The following INHA variants were observed in gnomAD, a reference collection of about 807,000 sequenced individuals.
INHA encodes the protein inhibin subunit alpha.
INHA carries 8 observed loss-of-function variants against 21.3 expected under a neutral mutation model. The ratio of observed to expected loss-of-function variants is 0.38; its 90% CI spans 0.22 to 0.68. The LOEUF is 0.68. Ranked by LOEUF, INHA falls within the 30% of genes least tolerant of loss-of-function variation. The pLI is 0.53. For missense variants in INHA, 436 were observed against 465.8 expected, an observed-to-expected ratio of 0.94 and a Z score of 0.59; for synonymous variants, 231 against 207.5, an observed-to-expected ratio of 1.11 and a Z score of -0.97.
At chr2:219,574,329 A>G (rs1198042313) in intron 1 of INHA, among the ~76,000 whole-genome samples, 1 of 151,916 alleles carries the variant, frequency 6.6e-6, no homozygotes, top group Non-Finnish European at 1.5e-5. Flanking sequence ...GACACCATTC[A>G]GGATACTGTT....
intron 1 of INHA, 93 bp from the exon 2 acceptor site, chr2:219,574,601 A>G: frequency 9.3e-7 from 1 of 1,072,318 alleles, no homozygotes; most frequent in Non-Finnish European, 1.4e-6. Context: ...TCATTGGCTC[A>G]TGACTGGTGG....
In INHA at chr2:219,575,047, C is replaced by G. The variant is rs111982983; in HGVS notation, c.622C>G (p.Arg208Gly). 1.6e-5 allele frequency: 26 copies of G among 1,613,324 alleles called. No homozygotes were observed. Among genetic ancestry groups the G allele is most frequent in the Middle Eastern group, 1.6e-4 (1 of 6,084 alleles). The part of the protein sequence containing the change: ...LRCPLCTCSA[R>G]PEATPFLVAH... ...CTGTCCCCTCTGTACCTGCTCAGCCCGGCCTGAGGCCACGCCCTTCCTGGT... is the reference window on the plus strand; with the variant it reads ...CTGTCCCCTCTGTACCTGCTCAGCCGGGCCTGAGGCCACGCCCTTCCTGGT... Residue 208 changes from arginine (R) to glycine (G), a missense_variant, in exon 2 of 2, where the codon CGG (arginine) becomes GGG (glycine). Coordinates refer to ENST00000243786, the MANE Select transcript of INHA (RefSeq NM_002191.4).
rs1463990727 is a variant in INHA at position 219,575,291 on chromosome 2, A to G, written c.866A>G (p.His289Arg). 22 of 1,613,710 alleles carry G rather than the reference A, an allele frequency of 1.4e-5. No homozygotes were observed. The highest frequency in any genetic ancestry group is 1.9e-5 in the Non-Finnish European group (22 of 1,179,932). ...GTGTACCCTCCCAGTTTCATCTTCC[A>G]CTACTGTCATGGTGGTTGTGGGCTG... ...WIVYPPSFIF[H>R]YCHGGCGLHI... Residue 289 changes from histidine to arginine, a missense_variant, in exon 2 of 2, where the codon CAC (histidine) becomes CGC (arginine). His to Arg is a conservative substitution (Grantham distance 29, BLOSUM62 0). Transcript: ENST00000243786.
intron 1 of INHA, 141 bp from the exon 2 acceptor site, chr2:219,574,552 TC>T (rs1697485820): frequency 1.2e-5 from 8 of 659,492 alleles, no homozygotes; most frequent in Non-Finnish European, 2.1e-5. Flanking sequence ...CTCAGGAGAG[TC>T]CCCACGTCCC....
In INHA at chr2:219,572,567, G is replaced by T. The variant is rs780774645; in HGVS notation, c.193G>T (p.Gly65Trp). ...GCGGCTGCCCCGAAGACATGCCCTGGGGGGCTTCACACACAGGGGCTCTGA... is the reference window on the plus strand; with the variant it reads ...GCGGCTGCCCCGAAGACATGCCCTGTGGGGCTTCACACACAGGGGCTCTGA... ...VRRLPRRHAL[G>W]GFTHRGSEPE... Residue 65 changes from glycine to tryptophan, a missense_variant, in exon 1 of 2, where the codon GGG (glycine) becomes TGG (tryptophan). Gly to Trp is a radical substitution (Grantham distance 184). Transcript: ENST00000243786. The T allele has an allele frequency of 5.1e-6, 8 of 1,564,152 alleles. No individual in the cohort carries two copies. The South Asian group carries it at 8.2e-5, about 16-fold the overall frequency.
chr2:219,574,140 G>A (rs114714256), intron 1 of INHA, among the ~76,000 whole-genome samples: 1 of 151,926 alleles, frequency 6.6e-6, no homozygotes, highest in South Asian at 2.1e-4. Flanking sequence ...TTAGCTAGGT[G>A]TGGTAGCACA....
intron 1 of INHA, among the ~76,000 whole-genome samples, chr2:219,573,020 C>A (rs1311168276): frequency 6.6e-6 from 1 of 152,248 alleles, no homozygotes; most frequent in African/African-American, 2.4e-5. Context: ...AGGTAGCTGA[C>A]ACTGAGAAGC....
chr2:219,575,430 G>A lies in INHA; in HGVS notation c.1005G>A (p.Met335Ile). Residue 335 changes from methionine to isoleucine, a missense_variant, in exon 2 of 2, where the codon ATG becomes ATA. Met to Ile is a conservative substitution (Grantham distance 10). Coordinates refer to ENST00000243786, the MANE Select transcript of INHA (RefSeq NM_002191.4). ...GCTGTGCTGCTCTCCCAGGGACCATGAGGCCCCTACATGTCCGCACCACCT... is the reference window on the plus strand; with the variant it reads ...GCTGTGCTGCTCTCCCAGGGACCATAAGGCCCCTACATGTCCGCACCACCT... ...QPCCAALPGT[M>I]RPLHVRTTSD... The A allele has an allele frequency of 6.2e-7, 1 of 1,613,872 alleles. No individual in the cohort carries two copies. Among genetic ancestry groups the A allele is most frequent in the East Asian group, 2.2e-5 (1 of 44,884 alleles).
At chr2:219,573,938 C>T (rs894773141) in intron 1 of INHA, among the ~76,000 whole-genome samples, 2 of 148,796 alleles carry the variant, frequency 1.3e-5, no homozygotes, top group African/African-American at 5.0e-5. Flanking sequence ...CGCCACTGCA[C>T]TCCAGCCTGG....
chr2:219,574,309 C>G (rs1029488492), intron 1 of INHA, among the ~76,000 whole-genome samples: 1 of 150,602 alleles, frequency 6.6e-6, no homozygotes, highest in Non-Finnish European at 1.5e-5. Context: ...ATATAACAAC[C>G]ATCCATGTAG....
chr2:219,572,381 C>T lies in INHA; in HGVS notation c.7C>T (p.Leu3=), dbSNP rs1215289922. The T allele has an allele frequency of 6.2e-7, 1 of 1,613,838 alleles. No homozygotes were observed. Among genetic ancestry groups the T allele is most frequent in the Non-Finnish European group, 8.5e-7 (1 of 1,180,026 alleles). Reference sequence around the variant, plus strand: ...TAGCAGGGCCAGGTGAGCTATGGTGCTGCACCTACTGCTCTTCTTGCTGCT... The same window carrying T: ...TAGCAGGGCCAGGTGAGCTATGGTGTTGCACCTACTGCTCTTCTTGCTGCT... MV[L]HLLLFLLLTP... Residue 3 remains leucine, a synonymous_variant, in exon 1 of 2, where the codon CTG becomes TTG. Transcript: ENST00000243786.
chr2:219,572,610 A>T lies in INHA; in HGVS notation c.236A>T (p.Asp79Val). 2 of 1,552,316 alleles carry T rather than the reference A, an allele frequency of 1.3e-6. No individual in the cohort carries two copies. The highest frequency in any genetic ancestry group is 1.7e-6 in the Non-Finnish European group (2 of 1,147,410). ...HRGSEPEEEEDVSQAILFPAT... is the reference protein window; with the variant it reads ...HRGSEPEEEEVVSQAILFPAT... ...GGCTCTGAGCCCGAGGAAGAGGAGG[A>T]TGTCTCCCAAGCCATCCTTTTCCCA... is the stretch of plus-strand genomic sequence containing the variant. The change falls in exon 1 of 2, where the codon GAT (aspartate) becomes GTT (valine). Residue 79 changes from aspartate (D) to valine (V), a missense_variant. Physicochemically the swap from Asp to Val is radical, Grantham distance 152. Coordinates refer to ENST00000243786, the MANE Select transcript of INHA (RefSeq NM_002191.4).
At chr2:219,572,694 A>G (rs1271659330) in intron 1 of INHA, 52 bp downstream of exon 1, 4 of 1,547,338 alleles carry the variant, frequency 2.6e-6, no homozygotes, top group East Asian at 2.4e-5. Context: ...AGCAAGGCAC[A>G]GCATGGGTTT....
At chr2:219,573,935 G>A (rs1056232431) in intron 1 of INHA, among the ~76,000 whole-genome samples, 2 of 147,364 alleles carry the variant, frequency 1.4e-5, no homozygotes, top group African/African-American at 5.1e-5. Context: ...TGGCGCCACT[G>A]CACTCCAGCC....
At chr2:219,573,101 C>G (rs1446301480) in intron 1 of INHA, among the ~76,000 whole-genome samples, 2 of 152,228 alleles carry the variant, frequency 1.3e-5, no homozygotes, top group African/African-American at 4.8e-5. Flanking sequence ...TCTTGAGTTC[C>G]TGTCTCAACA....
chr2:219,572,981 G>C (rs1197879558), intron 1 of INHA, among the ~76,000 whole-genome samples: 2 of 152,198 alleles, frequency 1.3e-5, no homozygotes, highest in Admixed American at 6.5e-5. Flanking sequence ...GCCTCTGCTC[G>C]CTGCTCCAAA....
At position 219,575,533 on chromosome 2, in the gene INHA, G is replaced by A. The variant is rs1258912606; in HGVS notation, c.*7G>A. 1.2e-5 allele frequency: 19 copies of A among 1,607,236 alleles called. No individual in the cohort carries two copies. The highest frequency in any genetic ancestry group is 1.6e-5 in the Non-Finnish European group (19 of 1,175,018). ...GCACTGTGCTTGTATCTAAGGGTGG[G>A]GGGTCTTCCTTCTTAATCCCATGGC... On this transcript the variant is annotated 3_prime_UTR_variant, in exon 2 of 2. Coordinates refer to ENST00000243786, the MANE Select transcript of INHA (RefSeq NM_002191.4).
rs967325551 is a variant in INHA at position 219,572,649 on chromosome 2, A to G, written c.268+7A>G. 1 of 1,551,466 alleles carries G rather than the reference A, an allele frequency of 6.4e-7. No individual in the cohort carries two copies. The highest frequency in any genetic ancestry group is 8.7e-7 in the Non-Finnish European group (1 of 1,146,924). ...ATCCTTTTCCCAGCCACAGGTAACGAGGGTGGGGGAACCGGCAGGATGACT... is the reference window on the plus strand; with the variant it reads ...ATCCTTTTCCCAGCCACAGGTAACGGGGGTGGGGGAACCGGCAGGATGACT... On this transcript the variant is annotated splice_region_variant and intron_variant, in intron 1 of 1. Coordinates refer to ENST00000243786, the MANE Select transcript of INHA (RefSeq NM_002191.4).
rs1428171068 is a variant in INHA at position 219,575,204 on chromosome 2, C to T, written c.779C>T (p.Ala260Val). 1.9e-5 allele frequency: 31 copies of T among 1,614,130 alleles called. No individual in the cohort carries two copies. The highest frequency in any genetic ancestry group is 2.6e-5 in the Non-Finnish European group (31 of 1,180,056). ...CCTCCGGAGGAACCGGCTGCCCATG[C>T]CAACTGCCACAGAGTAGCACTGAAC... ...QRPPEEPAAH[A>V]NCHRVALNIS... The change falls in exon 2 of 2, where the codon GCC becomes GTC. Residue 260 changes from alanine (A) to valine (V), a missense_variant. Transcript: ENST00000243786.
Sources: allele counts gnomAD v4.1 joint callset (sites outside exome capture counted in the v4.1 genomes callset), GRCh38; gene constraint gnomAD v4.1.1; transcripts MANE v1.5; gene names NCBI Gene and HGNC (gene_info 2026-07-23, HGNC 2026-07-21).